CRYBG1: variants seen among roughly 807,000 people sequenced by gnomAD.
The protein encoded by CRYBG1 is beta/gamma crystallin domain-containing protein 1.
A neutral mutation model predicts 189.2 loss-of-function variants in CRYBG1; 139 were observed. The observed-to-expected ratio is 0.73, with a 90% confidence interval of 0.64 to 0.85. CRYBG1 has a LOEUF of 0.85. CRYBG1 is among the 40% of genes least tolerant of loss of function. The pLI is 0.00. For synonymous variants in CRYBG1, 1,023 were observed against 1,017.1 expected (o/e 1.01, Z -0.11); for missense variants, 2,611 against 2,675.8 (o/e 0.98, Z 0.53).
rs779223888 is a variant in CRYBG1, at chr6:106,520,361, G to T, written c.3153G>T (p.Leu1051=). The T allele has an allele frequency of 1.2e-6, 2 of 1,614,090 alleles. No homozygotes were observed. The highest frequency in any genetic ancestry group is 8.5e-7 in the Non-Finnish European group (1 of 1,180,024). The change falls in exon 4 of 22, where the codon CTG becomes CTT. Residue 1051 remains leucine (L), a synonymous_variant. Coordinates refer to ENST00000633556, the MANE Select transcript of CRYBG1 (RefSeq NM_001371242.2). ...QAQSQGSRTP[L]MAESSPTNSP... Reference sequence around the variant, plus strand: ...AAAGTCAGGGCAGCAGAACACCCCTGATGGCTGAATCCAGTCCCACCAACT... The same window carrying T: ...AAAGTCAGGGCAGCAGAACACCCCTTATGGCTGAATCCAGTCCCACCAACT...
chr6:106,528,337 A>G (rs1319917327), intron 7 of CRYBG1, among the ~76,000 whole-genome samples: 2 of 152,194 alleles, frequency 1.3e-5, no homozygotes, highest in African/African-American at 4.8e-5. Flanking sequence ...TTAGTGGAAT[A>G]TTTTGCCTAG....
rs1773552295 is a variant in CRYBG1 at position 106,520,028 on chromosome 6, T to C, written c.2820T>C (p.Arg940=). ...GETTPPLSTE[R]SPEAVGSECP... is the part of the protein sequence containing the mutation. ...CAACCCCTCCTTTGTCCACAGAGCGTAGTCCAGAAGCTGTGGGAAGTGAGT... is the reference window on the plus strand; with the variant it reads ...CAACCCCTCCTTTGTCCACAGAGCGCAGTCCAGAAGCTGTGGGAAGTGAGT... The change falls in exon 4 of 22, where the codon CGT becomes CGC. Residue 940 remains arginine (R), a synonymous_variant. Coordinates refer to ENST00000633556, the MANE Select transcript of CRYBG1 (RefSeq NM_001371242.2). The C allele has an allele frequency of 6.2e-7, 1 of 1,614,004 alleles. No individual in the cohort carries two copies. The highest frequency in any genetic ancestry group is 1.1e-5 in the South Asian group (1 of 91,086).
At chr6:106,564,652 C>T (rs777409310) in intron 21 of CRYBG1, among the ~76,000 whole-genome samples, 3 of 152,100 alleles carry the variant, frequency 2.0e-5, no homozygotes, top group Non-Finnish European at 2.9e-5. Flanking sequence ...CAGGTGTTGC[C>T]AATGCTGCTG....
intron 2 of CRYBG1, among the ~76,000 whole-genome samples, chr6:106,482,699 G>T (rs113083603): frequency 5.9e-5 from 9 of 151,934 alleles, no homozygotes; most frequent in African/African-American, 1.9e-4. Context: ...GGCATGAACC[G>T]GGGAGACAGA....
chr6:106,528,430 C>T (rs1223821650), intron 7 of CRYBG1, among the ~76,000 whole-genome samples: 1 of 151,898 alleles, frequency 6.6e-6, no homozygotes, highest in African/African-American at 2.4e-5. Context: ...ATGAAGTGTC[C>T]CCTCCCCTTT....
intron 1 of CRYBG1, among the ~76,000 whole-genome samples, chr6:106,386,090 G>T (rs1770384293): frequency 6.6e-6 from 1 of 152,188 alleles, no homozygotes; most frequent in South Asian, 2.1e-4. Flanking sequence ...GGCTTCATTG[G>T]ATAGCCAGTC....
chr6:106,482,779 AAT>A (rs1491542826), intron 2 of CRYBG1, among the ~76,000 whole-genome samples: 1 of 110,820 alleles, frequency 9.0e-6, no homozygotes, highest in Non-Finnish European at 1.7e-5. Context: ...CATCTCAAAA[AAT>A]AATAATCATA....
intron 1 of CRYBG1, among the ~76,000 whole-genome samples, chr6:106,423,696 T>C (rs1554234087): frequency 0.094 from 1,894 of 20,120 alleles, 128 homozygotes; most frequent in African/African-American, 0.21. Flanking sequence ...CTCCCTCCCC[T>C]TTTTTTTTTT....
chr6:106,570,347 T>G lies in CRYBG1; in HGVS notation c.*1781T>G, dbSNP rs1387120938. 1 of 152,236 alleles carries G rather than the reference T, an allele frequency of 6.6e-6. No individual in the cohort carries two copies. The allele number at this position is 152,236 out of a possible 1,614,324, so 9.4% of individuals were successfully genotyped here. A position where few individuals can be genotyped will look rare whatever the true frequency, so the allele number is the denominator to read the frequency against. Reference sequence around the variant, plus strand: ...CTTGTTCCTAGATATATAGCTCTGATTTTAGGCCTTTTGTGCATACCATTA... The same window carrying G: ...CTTGTTCCTAGATATATAGCTCTGAGTTTAGGCCTTTTGTGCATACCATTA... On this transcript the variant is annotated 3_prime_UTR_variant, in exon 22 of 22. Coordinates refer to ENST00000633556, the MANE Select transcript of CRYBG1 (RefSeq NM_001371242.2).
chr6:106,536,196 G>A (rs1774001244), intron 8 of CRYBG1, among the ~76,000 whole-genome samples: 1 of 151,526 alleles, frequency 6.6e-6, no homozygotes, highest in South Asian at 2.1e-4. Flanking sequence ...TATCTACTAG[G>A]GCTTAGGTCT....
chr6:106,490,950 T>C (rs1772708480), intron 2 of CRYBG1, among the ~76,000 whole-genome samples: 1 of 152,194 alleles, frequency 6.6e-6, no homozygotes, highest in Admixed American at 6.5e-5. Flanking sequence ...GGCTGGAAAG[T>C]AACTAAAACT....
In CRYBG1 at chr6:106,419,388, C is replaced by T. The variant is rs148193852; in HGVS notation, c.174-32306C>T. On this transcript the variant is annotated intron_variant, in intron 1 of 21. Coordinates refer to ENST00000633556, the MANE Select transcript of CRYBG1 (RefSeq NM_001371242.2). ...TAAAACCTAACTCTTCCAAGTTTTG[C>T]TTGTTGGTTTTTGAGACAGGGTCTC... Among the ~76,000 whole-genome samples, 6 of 152,204 alleles carry T rather than the reference C, an allele frequency of 3.9e-5. No homozygotes were observed. In the East Asian group the frequency reaches 1.2e-3, roughly 29 times the overall value.
At chr6:106,557,181 T>C (rs1188090069) in intron 17 of CRYBG1, among the ~76,000 whole-genome samples, 1 of 152,240 alleles carries the variant, frequency 6.6e-6, no homozygotes, top group African/African-American at 2.4e-5. Flanking sequence ...AAGTGCAAAG[T>C]AGTAATACTA....
At chr6:106,516,323 T>A (rs906652275) in intron 3 of CRYBG1, among the ~76,000 whole-genome samples, 3 of 151,736 alleles carry the variant, frequency 2.0e-5, no homozygotes, top group Non-Finnish European at 4.4e-5. Flanking sequence ...AACCTCCACC[T>A]CCCAGGTTTA....
intron 1 of CRYBG1, among the ~76,000 whole-genome samples, chr6:106,423,871 A>AT (rs1319423332): frequency 2.0e-5 from 3 of 151,642 alleles, no homozygotes; most frequent in Non-Finnish European, 4.4e-5. Context: ...TGCCTGGCTA[A>AT]TTTTTGTATT....
intron 1 of CRYBG1, among the ~76,000 whole-genome samples, chr6:106,427,023 T>A (rs1055186876): frequency 1.5e-4 from 23 of 152,166 alleles, no homozygotes; most frequent in Admixed American, 1.5e-3. Flanking sequence ...CTCACTTTCC[T>A]CCTGTCTCCA....
chr6:106,398,499 G>T (rs914246722), intron 1 of CRYBG1, among the ~76,000 whole-genome samples: 1 of 152,074 alleles, frequency 6.6e-6, no homozygotes, highest in African/African-American at 2.4e-5. Context: ...AACAACCGGT[G>T]AACCAGAAGC....
rs143367361 is a variant in CRYBG1, at chr6:106,509,638, C to T, written c.313-1792C>T. On this transcript the variant is annotated intron_variant, in intron 2 of 21. Coordinates refer to ENST00000633556, the MANE Select transcript of CRYBG1 (RefSeq NM_001371242.2). ...TGATTCATGCGCACTTCCCCGGGAG[C>T]TGACTCTGGGGGGTGGGTGACCCGT... 2.0e-4 allele frequency among the ~76,000 whole-genome samples: 31 copies of T among 152,024 alleles called. 1 individual carries two copies. The highest frequency in any genetic ancestry group is 1.4e-3 in the Admixed American group (22 of 15,282).
intron 1 of CRYBG1, among the ~76,000 whole-genome samples, chr6:106,371,913 T>G (rs1340079539): frequency 6.6e-6 from 1 of 152,218 alleles, no homozygotes; most frequent in East Asian, 1.9e-4. Flanking sequence ...TGTTCCACTT[T>G]TATTAAAAGC....
Sources: allele counts gnomAD v4.1 joint callset (sites outside exome capture counted in the v4.1 genomes callset), GRCh38; gene constraint gnomAD v4.1.1; transcripts MANE v1.5; gene names NCBI Gene and HGNC (gene_info 2026-07-23, HGNC 2026-07-21).